ULK4: variants seen among roughly 807,000 people sequenced by gnomAD.
The protein encoded by ULK4 is inactive serine/threonine-protein kinase ULK4.
A neutral mutation model predicts 160.6 loss-of-function variants in ULK4; 133 were observed. The ratio of observed to expected loss-of-function variants is 0.83; its 90% confidence interval spans 0.72 to 0.96. The LOEUF (loss-of-function observed/expected upper bound fraction) is 0.96, where lower values mean the gene tolerates loss of function less well. Ranked by LOEUF, ULK4 falls within the 40% of genes least tolerant of loss-of-function variation. ULK4 has a pLI of 0.00. For synonymous variants in ULK4, 534 were observed against 539.8 expected, an observed-to-expected ratio of 0.99 and a Z score of 0.15; for missense variants, 1,580 against 1,499.5, an observed-to-expected ratio of 1.05 and a Z score of -0.89.
chr3:41,723,589 T>C (rs1015555892), intron 22 of ULK4, among the ~76,000 whole-genome samples: 12 of 152,186 alleles, frequency 7.9e-5, no homozygotes, highest in African/African-American at 1.7e-4. Context: ...AGATCAAATA[T>C]TTGGCAAAAT....
chr3:41,710,598 A>G (rs1272994217), intron 25 of ULK4, among the ~76,000 whole-genome samples: 4 of 152,114 alleles, frequency 2.6e-5, no homozygotes, highest in Non-Finnish European at 4.4e-5. Flanking sequence ...GTTTGAGACC[A>G]GCATGGCCAA....
chr3:41,355,142 C>T (rs1029786124), intron 35 of ULK4, among the ~76,000 whole-genome samples: 1 of 152,048 alleles, frequency 6.6e-6, no homozygotes, highest in East Asian at 1.9e-4. Flanking sequence ...GTGTTTGTAC[C>T]CAAAGAAAGA....
intron 31 of ULK4, among the ~76,000 whole-genome samples, chr3:41,613,721 T>G (rs79360245): frequency 0.011 from 1,647 of 152,364 alleles, 23 homozygotes; most frequent in African/African-American, 0.038. Flanking sequence ...TTTAATAATG[T>G]TCTTCAAGGA....
intron 35 of ULK4, among the ~76,000 whole-genome samples, chr3:41,295,341 T>C (rs2079649013): frequency 7.5e-6 from 1 of 133,810 alleles, no homozygotes; most frequent in South Asian, 2.5e-4. Flanking sequence ...CTTACAGACC[T>C]CAATGTGAAA....
At chr3:41,743,799 G>A (rs1408178127) in intron 22 of ULK4, among the ~76,000 whole-genome samples, 2 of 151,776 alleles carry the variant, frequency 1.3e-5, no homozygotes, top group Non-Finnish European at 2.9e-5. Flanking sequence ...CCAAGTAGCT[G>A]GGAATACAGG....
At chr3:41,868,419 T>C (rs1696972766) in intron 17 of ULK4, among the ~76,000 whole-genome samples, 1 of 152,226 alleles carries the variant, frequency 6.6e-6, no homozygotes, top group Non-Finnish European at 1.5e-5. Flanking sequence ...AGTGTTTCCA[T>C]GGTATATCTT....
intron 32 of ULK4, among the ~76,000 whole-genome samples, chr3:41,528,749 A>T (rs2086201280): frequency 6.6e-6 from 1 of 152,208 alleles, no homozygotes; most frequent in African/African-American, 2.4e-5. Flanking sequence ...TGTCATGTAT[A>T]TATCGAGTTC....
intron 36 of ULK4, 96 bp from the exon 37 acceptor site, chr3:41,247,088 T>A: frequency 8.5e-7 from 1 of 1,180,786 alleles, no homozygotes; most frequent in Non-Finnish European, 1.2e-6. Flanking sequence ...CACCCGAGTA[T>A]CTGGTGGACC....
chr3:41,456,440 C>A (rs988178048), intron 33 of ULK4, among the ~76,000 whole-genome samples: 2 of 152,146 alleles, frequency 1.3e-5, no homozygotes, highest in Admixed American at 6.5e-5. Flanking sequence ...TACATATGCT[C>A]AAATAACATC....
chr3:41,384,876 C>A (rs757559984), intron 35 of ULK4, among the ~76,000 whole-genome samples: 2 of 152,116 alleles, frequency 1.3e-5, no homozygotes, highest in Non-Finnish European at 2.9e-5. Flanking sequence ...TGAGCCACTG[C>A]ACCCAGCTTT....
chr3:41,762,821 T>TC (rs2039033574), intron 21 of ULK4, among the ~76,000 whole-genome samples: 1 of 151,672 alleles, frequency 6.6e-6, no homozygotes, highest in Admixed American at 6.6e-5. Flanking sequence ...CACAACCATA[T>TC]CCCACTAATT....
chr3:41,447,967 G>A (rs957580438), intron 34 of ULK4, among the ~76,000 whole-genome samples: 1 of 152,180 alleles, frequency 6.6e-6, no homozygotes, highest in Admixed American at 6.5e-5. Flanking sequence ...GGCCAGGCAG[G>A]ACAGCAGGAG....
At chr3:41,482,494 T>C (rs1217831706) in intron 32 of ULK4, among the ~76,000 whole-genome samples, 1 of 152,168 alleles carries the variant, frequency 6.6e-6, no homozygotes, top group Non-Finnish European at 1.5e-5. Context: ...CAGTTCCAGA[T>C]GTACCTGGGA....
rs369059587 is a variant in ULK4, at chr3:41,484,458, C to CTTTTTTTTTTTTTTTTTT, written c.3227-21206_3227-21205insAAAAAAAAAAAAAAAAAA. 2.8e-4 allele frequency among the ~76,000 whole-genome samples: 38 copies of CTTTTTTTTTTTTTTTTTT among 134,934 alleles called. 2 individuals are homozygous for CTTTTTTTTTTTTTTTTTT. Among genetic ancestry groups the CTTTTTTTTTTTTTTTTTT allele is most frequent in the African/African-American group, 3.1e-4 (11 of 35,552 alleles). The allele number at this position is 134,934 out of a possible 152,430, so 88.5% of individuals were successfully genotyped here. On this transcript the variant is annotated intron_variant, in intron 32 of 36. Coordinates refer to ENST00000301831, the MANE Select transcript of ULK4 (RefSeq NM_017886.4). ...GAGTGACTTTTTTTTCTTTCTTTTCCTTTTTTTGTTTTGAGATGGAGTCTC... is the reference window on the plus strand; with the variant it reads ...GAGTGACTTTTTTTTCTTTCTTTTCCTTTTTTTTTTTTTTTTTTTTTTTTTGTTTTGAGATGGAGTCTC...
chr3:41,758,988 T>G (rs1478308704), intron 21 of ULK4, among the ~76,000 whole-genome samples: 4 of 152,096 alleles, frequency 2.6e-5, no homozygotes, highest in African/African-American at 9.7e-5. Flanking sequence ...CATCCATTCA[T>G]GATAAAAACT....
chr3:41,461,373 GTGTTTCAAGGCAGA>G (rs2083680488), intron 33 of ULK4, among the ~76,000 whole-genome samples: 1 of 152,176 alleles, frequency 6.6e-6, no homozygotes, highest in Non-Finnish European at 1.5e-5. Flanking sequence ...TTATGGCTCA[GTGTTTCAAGGCAGA>G]TATGTCTTTG....
At chr3:41,560,709 A>C (rs978764893) in intron 32 of ULK4, among the ~76,000 whole-genome samples, 1 of 152,132 alleles carries the variant, frequency 6.6e-6, no homozygotes, top group Non-Finnish European at 1.5e-5. Flanking sequence ...TTGCACATTG[A>C]TTTTGTATCC....
intron 16 of ULK4, among the ~76,000 whole-genome samples, chr3:41,892,431 G>C (rs1358575014): frequency 6.6e-6 from 1 of 152,128 alleles, no homozygotes; most frequent in Non-Finnish European, 1.5e-5. Context: ...ATAGCCAAAA[G>C]ATATAAACAA....
chr3:41,872,929 T>TG (rs145765616), intron 17 of ULK4, among the ~76,000 whole-genome samples: 27,460 of 151,824 alleles, frequency 0.18, 2,563 homozygotes, highest in Middle Eastern at 0.32. Flanking sequence ...CCAAGGCGGG[T>TG]GGATCACGAG....
Sources: allele counts gnomAD v4.1 joint callset (sites outside exome capture counted in the v4.1 genomes callset), GRCh38; gene constraint gnomAD v4.1.1; transcripts MANE v1.5; gene names NCBI Gene and HGNC (gene_info 2026-07-23, HGNC 2026-07-21).